RNGTT: variants seen among roughly 807,000 people sequenced by gnomAD.
RNGTT encodes RNA guanylyltransferase and 5'-phosphatase, also known as mRNA-capping enzyme.
RNGTT carries 33 observed loss-of-function variants against 79.3 expected under a neutral mutation model. The observed-to-expected ratio is 0.42, with a 90% CI of 0.32 to 0.56. RNGTT has a LOEUF of 0.56. Among genes scored for constraint, RNGTT ranks in the 20% least tolerant of loss-of-function variants. The pLI, the probability that RNGTT is intolerant of heterozygous loss-of-function variation, is 0.17. For missense variants in RNGTT, 497 were observed against 739.1 expected, an observed-to-expected ratio of 0.67 and a Z score of 3.80; for synonymous variants, 222 against 235.9, an observed-to-expected ratio of 0.94 and a Z score of 0.54.
chr6:88,779,625 A>T (rs1224549531), intron 12 of RNGTT, among the ~76,000 whole-genome samples: 2 of 152,180 alleles, frequency 1.3e-5, no homozygotes, highest in Non-Finnish European at 2.9e-5. Context: ...AATCATTCAT[A>T]TTAATTTGGA....
chr6:88,929,841 T>G (rs528756839), intron 2 of RNGTT, among the ~76,000 whole-genome samples: 1 of 150,282 alleles, frequency 6.7e-6, no homozygotes, highest in African/African-American at 2.4e-5. Context: ...CATATACATA[T>G]ACACACATAT....
intron 2 of RNGTT, among the ~76,000 whole-genome samples, chr6:88,937,464 T>C (rs1784703632): frequency 6.6e-6 from 1 of 152,198 alleles, no homozygotes; most frequent in Admixed American, 6.5e-5. Context: ...GGTCTAGCAA[T>C]GGATTTATTG....
intron 13 of RNGTT, among the ~76,000 whole-genome samples, chr6:88,742,541 T>C (rs1172568288): frequency 4.6e-5 from 7 of 152,162 alleles, no homozygotes; most frequent in Non-Finnish European, 7.3e-5. Context: ...AAAGGAAAAG[T>C]TGCGAGACTA....
At chr6:88,805,210 C>T (rs1779916377) in intron 11 of RNGTT, among the ~76,000 whole-genome samples, 1 of 152,172 alleles carries the variant, frequency 6.6e-6, no homozygotes, top group Non-Finnish European at 1.5e-5. Flanking sequence ...GAACTCATGT[C>T]TTCTTTGGTA....
chr6:88,896,762 C>G (rs1399765010), intron 6 of RNGTT, among the ~76,000 whole-genome samples: 2 of 152,132 alleles, frequency 1.3e-5, no homozygotes, highest in Non-Finnish European at 2.9e-5. Context: ...AACCCTCTAT[C>G]CTTTGTGTAT....
At chr6:88,886,706 C>T (rs1456265304) in intron 8 of RNGTT, among the ~76,000 whole-genome samples, 1 of 152,140 alleles carries the variant, frequency 6.6e-6, no homozygotes, top group Non-Finnish European at 1.5e-5. Context: ...ACACGAAACA[C>T]AATTAATTCT....
At chr6:88,785,510 G>T (rs1406255260) in intron 12 of RNGTT, among the ~76,000 whole-genome samples, 1 of 151,954 alleles carries the variant, frequency 6.6e-6, no homozygotes, top group Non-Finnish European at 1.5e-5. Flanking sequence ...ATAAAATAAG[G>T]TATATTTTCT....
chr6:88,789,139 G>T (rs1562253591), intron 12 of RNGTT, among the ~76,000 whole-genome samples: 1 of 151,938 alleles, frequency 6.6e-6, no homozygotes. Context: ...TTCTTTCTTG[G>T]CCGGGCACGG....
chr6:88,610,009 G>T lies in RNGTT; in HGVS notation c.*2710C>A, dbSNP rs1771965108. ...GTAGACTGCTAAGATTAGATGAAGAGAAATAATATAAACATCATATAAAGA... is the reference window on the plus strand; with the variant it reads ...GTAGACTGCTAAGATTAGATGAAGATAAATAATATAAACATCATATAAAGA... On this transcript the variant is annotated 3_prime_UTR_variant, in exon 16 of 16. Transcript: ENST00000369485. 6.6e-6 allele frequency among the ~76,000 whole-genome samples: 1 copy of T among 152,194 alleles called. No individual in the cohort carries two copies. The highest frequency in any genetic ancestry group is 6.5e-5 in the Admixed American group (1 of 15,284).
intron 13 of RNGTT, among the ~76,000 whole-genome samples, chr6:88,756,946 T>G (rs1371091146): frequency 1.3e-5 from 2 of 152,116 alleles, no homozygotes; most frequent in Non-Finnish European, 2.9e-5. Context: ...ACTAAAACCC[T>G]AAAAAAATTA....
chr6:88,739,413 G>A (rs1205873530), intron 13 of RNGTT, among the ~76,000 whole-genome samples: 1 of 151,898 alleles, frequency 6.6e-6, no homozygotes, highest in Non-Finnish European at 1.5e-5. Flanking sequence ...CAGCTTTCCT[G>A]TAACACTAAA....
chr6:88,817,749 ATTTTT>A (rs71554802), intron 11 of RNGTT, among the ~76,000 whole-genome samples: 11 of 71,566 alleles, frequency 1.5e-4, no homozygotes, highest in Admixed American at 7.2e-4. Flanking sequence ...TATTCACATC[ATTTTT>A]TTTTTTTTTT....
intron 13 of RNGTT, among the ~76,000 whole-genome samples, chr6:88,750,491 G>C (rs975278275): frequency 3.9e-5 from 6 of 152,090 alleles, no homozygotes; most frequent in African/African-American, 1.4e-4. Flanking sequence ...CAGGTTTCTG[G>C]CTTATGAAAC....
chr6:88,923,405 C>A (rs1784222428), intron 4 of RNGTT, among the ~76,000 whole-genome samples: 1 of 152,178 alleles, frequency 6.6e-6, no homozygotes. Flanking sequence ...AGAAATACCA[C>A]CATGTTCTCT....
intron 12 of RNGTT, among the ~76,000 whole-genome samples, chr6:88,778,771 G>GA (rs1223558276): frequency 2.0e-5 from 3 of 152,158 alleles, no homozygotes; most frequent in Non-Finnish European, 2.9e-5. Context: ...TGCTAAGAAA[G>GA]AAAAAATCAT....
chr6:88,720,213 A>G (rs2127812653), intron 13 of RNGTT, among the ~76,000 whole-genome samples: 1 of 152,280 alleles, frequency 6.6e-6, no homozygotes, highest in Admixed American at 6.5e-5. Flanking sequence ...TCCACTACCT[A>G]TTAAAGACTT....
chr6:88,936,952 T>C (rs1219326767), intron 2 of RNGTT, among the ~76,000 whole-genome samples: 1 of 152,196 alleles, frequency 6.6e-6, no homozygotes, highest in Non-Finnish European at 1.5e-5. Flanking sequence ...CTGCTCAGCT[T>C]TTCTATTTCT....
chr6:88,716,300 T>TAA (rs1424317377), intron 13 of RNGTT, among the ~76,000 whole-genome samples: 4 of 151,726 alleles, frequency 2.6e-5, no homozygotes, highest in African/African-American at 4.9e-5. Flanking sequence ...TGGCAATCAT[T>TAA]AAAAAGTCAG....
At chr6:88,792,059 T>C (rs1027873268) in intron 12 of RNGTT, among the ~76,000 whole-genome samples, 2 of 152,186 alleles carry the variant, frequency 1.3e-5, no homozygotes, top group Non-Finnish European at 2.9e-5. Context: ...TTCTAGTAGA[T>C]ATGTTGCCTA....
Sources: allele counts gnomAD v4.1 joint callset (sites outside exome capture counted in the v4.1 genomes callset), GRCh38; gene constraint gnomAD v4.1.1; transcripts MANE v1.5; gene names NCBI Gene and HGNC (gene_info 2026-07-23, HGNC 2026-07-21).